The following MYT1L variants were observed in gnomAD, a reference collection of about 807,000 sequenced individuals.
MYT1L encodes myelin transcription factor 1 like.
A neutral mutation model predicts 126.7 loss-of-function variants in MYT1L; 12 were observed. The ratio of observed to expected loss-of-function variants is 0.09; its 90% CI spans 0.06 to 0.15. MYT1L has a LOEUF of 0.15. Ranked by LOEUF, MYT1L falls within the 10% of genes least tolerant of loss-of-function variation. MYT1L has a pLI of 1.00. For missense variants in MYT1L, 979 were observed against 1,585.2 expected (o/e 0.62, Z 6.49); for synonymous variants, 541 against 604.2 (o/e 0.90, Z 1.53).
chr2:1,995,070 T>G (rs1318410709), intron 5 of MYT1L, among the ~76,000 whole-genome samples: 1 of 152,046 alleles, frequency 6.6e-6, no homozygotes, highest in African/African-American at 2.4e-5. Flanking sequence ...GTTCTGAAAG[T>G]TATTAAATGG....
chr2:2,016,234 A>G (rs1019098664), intron 4 of MYT1L, among the ~76,000 whole-genome samples: 4 of 152,216 alleles, frequency 2.6e-5, no homozygotes, highest in Non-Finnish European at 2.9e-5. Context: ...TGGCAAACAA[A>G]TGCACAGACA....
intron 18 of MYT1L, among the ~76,000 whole-genome samples, chr2:1,872,082 G>C (rs1045146632): frequency 7.9e-5 from 12 of 152,190 alleles, no homozygotes; most frequent in African/African-American, 2.9e-4. Flanking sequence ...GTGTACCTGG[G>C]GAAGTGGAAG....
intron 9 of MYT1L, among the ~76,000 whole-genome samples, chr2:1,940,824 C>G (rs575162802): frequency 6.6e-6 from 1 of 152,236 alleles, no homozygotes; most frequent in African/African-American, 2.4e-5. Flanking sequence ...TCCTGTCTTC[C>G]GTGCTCTGGA....
intron 8 of MYT1L, among the ~76,000 whole-genome samples, chr2:1,965,898 C>G (rs778621550): frequency 1.3e-5 from 2 of 152,238 alleles, no homozygotes; most frequent in Non-Finnish European, 2.9e-5. Context: ...GCTCACAGAT[C>G]CGAGGCTGCC....
intron 11 of MYT1L, among the ~76,000 whole-genome samples, chr2:1,913,159 CT>C (rs888909099): frequency 5.3e-5 from 8 of 152,328 alleles, no homozygotes; most frequent in South Asian, 2.1e-4. Flanking sequence ...TCTCTTTCCC[CT>C]GCAGTCTGCT....
At chr2:2,108,904 C>T (rs2079055810) in intron 3 of MYT1L, among the ~76,000 whole-genome samples, 1 of 152,250 alleles carries the variant, frequency 6.6e-6, no homozygotes. Context: ...AGCTGAGCTG[C>T]TGACCATCAG....
At chr2:2,180,360 C>T (rs1416104022) in intron 2 of MYT1L, among the ~76,000 whole-genome samples, 1 of 139,326 alleles carries the variant, frequency 7.2e-6, no homozygotes, top group South Asian at 2.2e-4. Flanking sequence ...AACATAAGCT[C>T]TTAAAAAAAA....
At chr2:2,298,009 A>T (rs2095722189) in intron 1 of MYT1L, among the ~76,000 whole-genome samples, 1 of 152,226 alleles carries the variant, frequency 6.6e-6, no homozygotes, top group Non-Finnish European at 1.5e-5. Context: ...CTAGAAGGAA[A>T]CTAGGAGAAG....
intron 1 of MYT1L, among the ~76,000 whole-genome samples, chr2:2,303,137 A>T (rs1486060614): frequency 6.6e-6 from 1 of 152,220 alleles, no homozygotes; most frequent in Non-Finnish European, 1.5e-5. Flanking sequence ...TGTTTCACAA[A>T]CATTATCTTC....
intron 2 of MYT1L, among the ~76,000 whole-genome samples, chr2:2,238,571 T>G (rs2094373644): frequency 6.6e-6 from 1 of 152,184 alleles, no homozygotes; most frequent in African/African-American, 2.4e-5. Flanking sequence ...CTTCATTGTT[T>G]GGGGAACAGG....
intron 2 of MYT1L, among the ~76,000 whole-genome samples, chr2:2,181,898 T>C (rs2091574393): frequency 6.6e-6 from 1 of 152,194 alleles, no homozygotes; most frequent in African/African-American, 2.4e-5. Context: ...CGAGATATTA[T>C]TAGCTCTATT....
At chr2:1,872,467 C>T (rs2046392040) in intron 18 of MYT1L, among the ~76,000 whole-genome samples, 1 of 152,158 alleles carries the variant, frequency 6.6e-6, no homozygotes, top group East Asian at 1.9e-4. Context: ...GGCTTGTGGG[C>T]TGGTCAACAT....
chr2:2,227,724 C>T (rs2094048478), intron 2 of MYT1L, among the ~76,000 whole-genome samples: 1 of 152,184 alleles, frequency 6.6e-6, no homozygotes, highest in Admixed American at 6.5e-5. Context: ...TGTTTTAGAG[C>T]TAGGCGAATT....
intron 18 of MYT1L, among the ~76,000 whole-genome samples, chr2:1,874,381 TA>T (rs1431551069): frequency 6.6e-6 from 1 of 152,208 alleles, no homozygotes; most frequent in African/African-American, 2.4e-5. Context: ...CTTATTTTAT[TA>T]AGTGTTTTCA....
chr2:1,961,967 T>G (rs564086093), intron 8 of MYT1L, among the ~76,000 whole-genome samples: 16 of 152,360 alleles, frequency 1.1e-4, no homozygotes, highest in African/African-American at 3.6e-4. Context: ...TTTGGATGTT[T>G]CTAGCATAAA....
chr2:2,103,554 G>T (rs2078370320), intron 3 of MYT1L, among the ~76,000 whole-genome samples: 1 of 152,224 alleles, frequency 6.6e-6, no homozygotes, highest in Non-Finnish European at 1.5e-5. Flanking sequence ...TGCACCGAGT[G>T]CCACAGCGTC....
intron 2 of MYT1L, among the ~76,000 whole-genome samples, chr2:2,225,287 G>A (rs2093979722): frequency 6.6e-6 from 1 of 152,056 alleles, no homozygotes; most frequent in South Asian, 2.1e-4. Flanking sequence ...TACCAACCAG[G>A]GCAGGGGGTT....
At chr2:2,194,608 T>C (rs2092720972) in intron 2 of MYT1L, among the ~76,000 whole-genome samples, 1 of 152,126 alleles carries the variant, frequency 6.6e-6, no homozygotes, top group Non-Finnish European at 1.5e-5. Context: ...TGCTCCTTTT[T>C]TCAGAAGCAG....
chr2:2,091,046 G>A (rs1035120808), intron 3 of MYT1L, among the ~76,000 whole-genome samples: 1 of 152,152 alleles, frequency 6.6e-6, no homozygotes, highest in African/African-American at 2.4e-5. Flanking sequence ...AATCATCTAT[G>A]AGCATTGGAA....
Sources: gnomAD v4.1 joint callset for allele counts (sites outside exome capture counted in the v4.1 genomes callset) on GRCh38, gnomAD v4.1.1 for gene constraint, MANE v1.5 for transcripts, NCBI Gene and HGNC (gene_info 2026-07-23, HGNC 2026-07-21) for gene names.